ROPN1L: variants seen among roughly 807,000 people sequenced by gnomAD.
ROPN1L encodes the protein ropporin-1-like protein.
Under a neutral mutation model 22.7 loss-of-function variants are expected in ROPN1L, and 23 were observed. The observed-to-expected ratio is 1.01, with a 90% CI of 0.73 to 1.43. ROPN1L has a LOEUF of 1.43. Ranked by LOEUF, ROPN1L falls within the 40% of genes most tolerant of loss-of-function variation. The pLI is 0.00. For missense variants in ROPN1L, 271 were observed against 291.5 expected (o/e 0.93, Z 0.51); for synonymous variants, 116 against 117.8 (o/e 0.98, Z 0.10).
chr5:10,476,935 T>A (rs1399138243), downstream of ROPN1L, among the ~76,000 whole-genome samples: 1 of 152,274 alleles, frequency 6.6e-6, no homozygotes, highest in African/African-American at 2.4e-5. Flanking sequence ...GGCTCGAGTC[T>A]ATCAGAGACC....
At chr5:10,451,987 T>C (rs560262626) in intron 3 of ROPN1L, among the ~76,000 whole-genome samples, 2 of 94,762 alleles carry the variant, frequency 2.1e-5, no homozygotes, top group Admixed American at 2.2e-4. Context: ...TATATCTGTA[T>C]CTAGCTATAT....
chr5:10,448,176 T>C, intron 1 of ROPN1L, 84 bp from the exon 2 acceptor site: 1 of 1,500,508 alleles, frequency 6.7e-7, no homozygotes, highest in East Asian at 2.3e-5. Flanking sequence ...ATCACCGTTG[T>C]TTTGGGGGGT....
chr5:10,458,053 T>A (rs1415450995), intron 3 of ROPN1L, among the ~76,000 whole-genome samples: 2 of 152,086 alleles, frequency 1.3e-5, no homozygotes, highest in African/African-American at 4.8e-5. Flanking sequence ...ATACTCCCAC[T>A]GCTGCTGAGT....
At chr5:10,481,583 G>A in the ROPN1L span, among the ~76,000 whole-genome samples, 1 of 152,212 alleles carries the variant, frequency 6.6e-6, no homozygotes, top group East Asian at 1.9e-4. Flanking sequence ...TCCAGGGTCA[G>A]CAAGGTCCCA....
At chr5:10,447,225 T>TC (rs1285943841) in intron 1 of ROPN1L, among the ~76,000 whole-genome samples, 1 of 152,200 alleles carries the variant, frequency 6.6e-6, no homozygotes, top group African/African-American at 2.4e-5. Context: ...GGCTTCAGCA[T>TC]CGCCACCTCT....
At position 10,441,894 on chromosome 5, in the gene ROPN1L, G is replaced by A. The variant is rs1740884975; in HGVS notation, c.-274G>A. 3.6e-6 allele frequency: 1 copy of A among 278,562 alleles called. No individual in the cohort carries two copies. Among genetic ancestry groups the A allele is most frequent in the Admixed American group, 4.8e-5 (1 of 20,822 alleles). 17.3% of individuals were successfully genotyped at this position (278,562 alleles called of 1,614,324 possible). Reference sequence around the variant, plus strand: ...GGGCCTGCTCGCGTCCCGGGTGCCTGGATACCGAGCGCGTCCGTAGTGGCG... The same window carrying A: ...GGGCCTGCTCGCGTCCCGGGTGCCTAGATACCGAGCGCGTCCGTAGTGGCG... On this transcript the variant is annotated 5_prime_UTR_variant, in exon 1 of 5. Transcript: ENST00000274134.
intron 3 of ROPN1L, among the ~76,000 whole-genome samples, chr5:10,452,982 A>T (rs922665713): frequency 6.6e-6 from 1 of 152,168 alleles, no homozygotes; most frequent in African/African-American, 2.4e-5. Flanking sequence ...GGTTCTTCCT[A>T]TCATAGAGAA....
In ROPN1L at chr5:10,470,680, T is replaced by A. The variant is rs561471262; in HGVS notation, n.886-1130T>A. On this transcript the variant is annotated intron_variant and non_coding_transcript_variant, in intron 4 of 4. Coordinates refer to the ROPN1L transcript ENST00000510520. ...TGGCCTGGGATATGGAATGGCTTTCTGGGCACATGTCCCACCTCAAACCCC... is the reference window on the plus strand; with the variant it reads ...TGGCCTGGGATATGGAATGGCTTTCAGGGCACATGTCCCACCTCAAACCCC... Among the ~76,000 whole-genome samples, 18 of 152,338 alleles carry A rather than the reference T, an allele frequency of 1.2e-4. No homozygotes were observed. In the South Asian group the frequency reaches 3.1e-3, roughly 26 times the overall value.
intron 3 of ROPN1L, among the ~76,000 whole-genome samples, chr5:10,460,899 A>T (rs990796073): frequency 6.6e-6 from 1 of 152,370 alleles, no homozygotes; most frequent in Admixed American, 6.5e-5. Context: ...TTTTCAAGAC[A>T]TTGATGCTTC....
intron 3 of ROPN1L, among the ~76,000 whole-genome samples, chr5:10,452,817 A>G (rs1165413930): frequency 6.6e-6 from 1 of 152,216 alleles, no homozygotes; most frequent in Non-Finnish European, 1.5e-5. Context: ...ATTAAGCACT[A>G]GATTTAAAAC....
the ROPN1L span, among the ~76,000 whole-genome samples, chr5:10,481,291 C>T: frequency 6.6e-6 from 1 of 152,166 alleles, no homozygotes; most frequent in Non-Finnish European, 1.5e-5. Context: ...TCCCAGTTCC[C>T]AGGAGGAGGG....
chr5:10,470,529 C>T (rs1735229398), intron 4 of ROPN1L, among the ~76,000 whole-genome samples: 1 of 152,062 alleles, frequency 6.6e-6, no homozygotes, highest in Non-Finnish European at 1.5e-5. Flanking sequence ...AGGCCAGAAG[C>T]CCCCACAGGT....
downstream of ROPN1L, among the ~76,000 whole-genome samples, chr5:10,476,249 GC>G (rs1735316236): frequency 6.6e-6 from 1 of 152,218 alleles, no homozygotes; most frequent in African/African-American, 2.4e-5. Flanking sequence ...TTCCAGCTCT[GC>G]CAGACCCCTC....
intron 4 of ROPN1L, among the ~76,000 whole-genome samples, chr5:10,471,406 C>T (rs1735242940): frequency 6.6e-6 from 1 of 152,168 alleles, no homozygotes; most frequent in African/African-American, 2.4e-5. Flanking sequence ...CCTTGGCCTC[C>T]CAAAGTGCTG....
At chr5:10,466,635 A>G (rs1304325987), downstream of ROPN1L, among the ~76,000 whole-genome samples, 1 of 152,212 alleles carries the variant, frequency 6.6e-6, no homozygotes, top group Admixed American at 6.5e-5. Flanking sequence ...GACGCGCGGC[A>G]GCATGGGTGT....
Position 10,450,020 on chromosome 5 carries a change from G to C in ROPN1L, c.324G>C (p.Lys108Asn). 1 of 1,613,912 alleles carries C rather than the reference G, an allele frequency of 6.2e-7. No homozygotes were observed. The highest frequency in any genetic ancestry group is 1.6e-4 in the Middle Eastern group (1 of 6,062). The change falls in exon 3 of 5, where the codon AAG becomes AAC. Residue 108 changes from lysine to asparagine, a missense_variant. Coordinates refer to ENST00000274134, the MANE Select transcript of ROPN1L (RefSeq NM_031916.5). ...EQKWKNLCLP[K>N]EKFKALLQLD... ...AGTGGAAGAACTTGTGCCTGCCGAA[G>C]GAAAAATTCAAAGCGCTCTTACAAC... is the stretch of plus-strand genomic sequence containing the variant.
intron 4 of ROPN1L, among the ~76,000 whole-genome samples, chr5:10,463,310 C>T (rs993880393): frequency 1.3e-5 from 2 of 152,238 alleles, no homozygotes; most frequent in African/African-American, 2.4e-5. Flanking sequence ...CGGAAGTTCT[C>T]ATTTGTTCAT....
the ROPN1L span, among the ~76,000 whole-genome samples, chr5:10,477,686 T>G: frequency 6.6e-6 from 1 of 152,154 alleles, no homozygotes; most frequent in Admixed American, 6.5e-5. Context: ...TTCCAGCACT[T>G]TGGGAGGCCA....
At chr5:10,449,157 A>C (rs1472480356) in intron 2 of ROPN1L, among the ~76,000 whole-genome samples, 1 of 152,270 alleles carries the variant, frequency 6.6e-6, no homozygotes, top group East Asian at 1.9e-4. Flanking sequence ...GAAATTGCTC[A>C]AAGCCTTTTC....
Sources: allele counts gnomAD v4.1 joint callset (sites outside exome capture counted in the v4.1 genomes callset), GRCh38; gene constraint gnomAD v4.1.1; transcripts MANE v1.5; gene names NCBI Gene and HGNC (gene_info 2026-07-23, HGNC 2026-07-21).